Variants in TSACC observed in about 807,000 individuals in gnomAD.
TSACC encodes TSSK6-activating co-chaperone protein.
In TSACC, 3 loss-of-function variants were observed where a neutral mutation model predicts 6.9. That is an observed-to-expected ratio of 0.43 (90% CI 0.20 to 1.12). The LOEUF (loss-of-function observed/expected upper bound fraction) is 1.12, where lower values mean the gene tolerates loss of function less well. Ranked by LOEUF, TSACC falls within the 50% of genes most tolerant of loss-of-function variation. The pLI is 0.28. For synonymous variants in TSACC, 54 were observed against 55.1 expected (o/e 0.98, Z 0.09); for missense variants, 137 against 143.9 (o/e 0.95, Z 0.24).
chr1:156,344,665 A>G lies in TSACC; in HGVS notation c.120A>G (p.Pro40=), dbSNP rs201800102. The G allele has an allele frequency of 6.9e-6, 11 of 1,605,550 alleles. No individual in the cohort carries two copies. The highest frequency in any genetic ancestry group is 9.3e-6 in the Non-Finnish European group (11 of 1,177,240). ...PSYINLQASS[P]PATFLNIQTT... is the part of the protein sequence containing the mutation. ...ATATTAATCTTCAAGCAAGTTCCCCACCAGCCACTTTTCTGAACATCCAGA... is the reference window on the plus strand; with the variant it reads ...ATATTAATCTTCAAGCAAGTTCCCCGCCAGCCACTTTTCTGAACATCCAGA... The change falls in exon 3 of 4, where the codon CCA becomes CCG. Residue 40 remains proline, a synonymous_variant. Transcript: ENST00000368254.
chr1:156,341,440 C>T (rs1665878269), intron 2 of TSACC, among the ~76,000 whole-genome samples: 1 of 152,196 alleles, frequency 6.6e-6, no homozygotes, highest in South Asian at 2.1e-4. Flanking sequence ...TAATGACTGT[C>T]TACACTGCAA....
At chr1:156,340,834 T>C (rs1470430116) in intron 2 of TSACC, among the ~76,000 whole-genome samples, 1 of 151,716 alleles carries the variant, frequency 6.6e-6, no homozygotes, top group Non-Finnish European at 1.5e-5. Flanking sequence ...GACTTTGGAG[T>C]CTACAGGACC....
chr1:156,345,865 GAA>G (rs563330881), intron 3 of TSACC, among the ~76,000 whole-genome samples: 2 of 126,840 alleles, frequency 1.6e-5, no homozygotes, highest in Admixed American at 8.2e-5. Flanking sequence ...AGGCTCCATT[GAA>G]AAAAAAAAAA....
intron 2 of TSACC, among the ~76,000 whole-genome samples, 183 bp from the exon 3 acceptor site, chr1:156,344,396 TC>T: frequency 1.3e-5 from 2 of 152,318 alleles, no homozygotes; most frequent in South Asian, 4.1e-4. Context: ...TTTTGGCTTA[TC>T]CCACTCCTGC....
At chr1:156,337,374 A>C, upstream of TSACC, 2 of 194,596 alleles carry the variant, frequency 1.0e-5, no homozygotes, top group Admixed American at 5.8e-5. Flanking sequence ...CGCCACTGCA[A>C]CCCAGCCTGG....
chr1:156,346,743 AC>A, intron 3 of TSACC, 24 bp from the exon 4 acceptor site: 1 of 1,609,148 alleles, frequency 6.2e-7, no homozygotes, highest in Non-Finnish European at 8.5e-7. Context: ...GTTCCCTTGC[AC>A]CTCCGTTGCT....
chr1:156,339,521 C>T (rs371500863), intron 1 of TSACC, 113 bp from the exon 2 acceptor site: 97 of 491,534 alleles, frequency 2.0e-4, no homozygotes, highest in African/African-American at 1.6e-3. Context: ...AAAAAGGAAG[C>T]ACTAAAGGAA....
At chr1:156,338,493 C>T, upstream of TSACC, 2 of 517,548 alleles carry the variant, frequency 3.9e-6, no homozygotes, top group African/African-American at 1.9e-5. Flanking sequence ...CCGCGTGCAG[C>T]GCGAACGTCG....
Position 156,339,625 on chromosome 1 carries a change from C to T in TSACC, c.-124-9C>T. On this transcript the variant is annotated splice_polypyrimidine_tract_variant and intron_variant, in intron 1 of 3. Coordinates refer to ENST00000368254, the MANE Select transcript of TSACC (RefSeq NM_001304817.2). ...CATGAAATAGAGTTTCCTACTTTTT[C>T]CTCTGCAGATTGGAACAGGCTGAGA... The T allele has an allele frequency of 9.0e-7, 1 of 1,111,764 alleles. No homozygotes were observed. Among genetic ancestry groups the T allele is most frequent in the South Asian group, 1.5e-5 (1 of 64,884 alleles). 68.9% of individuals were successfully genotyped at this position (1,111,764 alleles called of 1,614,324 possible). A position where few individuals can be genotyped will look rare whatever the true frequency, so the allele number is the denominator to read the frequency against.
chr1:156,337,816 A>G, upstream of TSACC: 1 of 368,386 alleles, frequency 2.7e-6, no homozygotes, highest in Non-Finnish European at 4.9e-6. Flanking sequence ...AAAAAACGTT[A>G]TTCGTGCAGC....
intron 2 of TSACC, among the ~76,000 whole-genome samples, chr1:156,342,079 GAAA>G (rs2101708001): frequency 6.8e-6 from 1 of 146,248 alleles, no homozygotes; most frequent in African/African-American, 2.5e-5. Flanking sequence ...AAAAAAAAAA[GAAA>G]GAAAAAAAAA....
At chr1:156,338,495 C>G (rs974282371), upstream of TSACC, 4 of 517,286 alleles carry the variant, frequency 7.7e-6, no homozygotes, top group South Asian at 4.9e-5. Flanking sequence ...GCGTGCAGCG[C>G]GAACGTCGGC....
chr1:156,342,454 G>A (rs1471703102), intron 2 of TSACC, among the ~76,000 whole-genome samples: 1 of 152,138 alleles, frequency 6.6e-6, no homozygotes, highest in African/African-American at 2.4e-5. Context: ...TCTCACCCTG[G>A]CACCCACATA....
chr1:156,337,746 T>C, upstream of TSACC: 1 of 218,312 alleles, frequency 4.6e-6, no homozygotes, highest in Non-Finnish European at 9.2e-6. Flanking sequence ...ACATTTAAAT[T>C]ACCGCTACTA....
chr1:156,338,271 A>C (rs1570944541), upstream of TSACC: 1 of 1,392,802 alleles, frequency 7.2e-7, no homozygotes, highest in Non-Finnish European at 1.0e-6. Flanking sequence ...AGCCCAGAAA[A>C]CGCTGCCTCC....
chr1:156,343,541 A>C (rs1244315798), intron 2 of TSACC, among the ~76,000 whole-genome samples: 2 of 152,198 alleles, frequency 1.3e-5, no homozygotes, highest in African/African-American at 2.4e-5. Flanking sequence ...TCTTAGACAC[A>C]GAATCCATAT....
chr1:156,340,843 C>G (rs755674563), intron 2 of TSACC, among the ~76,000 whole-genome samples: 1 of 152,036 alleles, frequency 6.6e-6, no homozygotes, highest in Non-Finnish European at 1.5e-5. Context: ...GTCTACAGGA[C>G]CAAATTTAAT....
intron 3 of TSACC, among the ~76,000 whole-genome samples, chr1:156,345,827 G>T (rs1047185492): frequency 6.8e-6 from 1 of 148,052 alleles, no homozygotes; most frequent in Non-Finnish European, 1.5e-5. Flanking sequence ...GGATTGTGCC[G>T]CTGCACTGCA....
rs545552029 is a variant in TSACC, at chr1:156,338,562, C to G, written c.-168C>G. ...ACACCACTACGCATGTGTGTCAACT[C>G]TAGGGTTGGGTGCTGGGGTTGCGGC... On this transcript the variant is annotated 5_prime_UTR_variant, in exon 1 of 4. Coordinates refer to ENST00000368254, the MANE Select transcript of TSACC (RefSeq NM_001304817.2). The G allele has an allele frequency of 8.4e-6, 3 of 357,422 alleles. No individual in the cohort carries two copies. The highest frequency in any genetic ancestry group is 2.1e-5 in the African/African-American group (1 of 48,554). 22.1% of individuals were successfully genotyped at this position (357,422 alleles called of 1,614,324 possible).
Sources: allele counts gnomAD v4.1 joint callset (sites outside exome capture counted in the v4.1 genomes callset), GRCh38; gene constraint gnomAD v4.1.1; transcripts MANE v1.5; gene names NCBI Gene and HGNC (gene_info 2026-07-23, HGNC 2026-07-21).